The following PLXDC1 variants were observed in gnomAD, a reference collection of about 807,000 sequenced individuals.
PLXDC1 encodes the protein plexin domain-containing protein 1.
In PLXDC1, 39 loss-of-function variants were observed where a neutral mutation model predicts 61.3. The observed-to-expected ratio is 0.64, with a 90% CI of 0.49 to 0.83. PLXDC1 has a LOEUF of 0.83. Among genes scored for constraint, PLXDC1 ranks in the 40% least tolerant of loss-of-function variants. PLXDC1 has a pLI of 0.00. For missense variants in PLXDC1, 596 were observed against 666.5 expected, an observed-to-expected ratio of 0.89 and a Z score of 1.17; for synonymous variants, 212 against 254.5, an observed-to-expected ratio of 0.83 and a Z score of 1.59.
chr17:39,125,489 C>A (rs556133890), intron 2 of PLXDC1, among the ~76,000 whole-genome samples: 1 of 152,250 alleles, frequency 6.6e-6, no homozygotes, highest in Admixed American at 6.5e-5. Flanking sequence ...GGCAATGACC[C>A]AAATGTGGGC....
intron 1 of PLXDC1, among the ~76,000 whole-genome samples, chr17:39,149,508 T>C (rs1443220004): frequency 6.6e-6 from 1 of 152,214 alleles, no homozygotes; most frequent in Non-Finnish European, 1.5e-5. Flanking sequence ...GCCTCTGGCT[T>C]CTTACAGATT....
Position 39,063,493 on chromosome 17 carries a change from C to A in PLXDC1, c.*4347G>T. On this transcript the variant is annotated 3_prime_UTR_variant, in exon 14 of 14. Coordinates refer to ENST00000315392, the MANE Select transcript of PLXDC1 (RefSeq NM_020405.5). ...GATGAGCAGATAGCTGGAGGCTGTT[C>A]CCACAGTCATGTCTCAGCGAAGAAG... 1.4e-6 allele frequency: 1 copy of A among 702,942 alleles called. No individual in the cohort carries two copies. The highest frequency in any genetic ancestry group is 1.5e-5 in the South Asian group (1 of 67,576). The allele number at this position is 702,942 out of a possible 1,614,324, so 43.5% of individuals were successfully genotyped here.
intron 1 of PLXDC1, among the ~76,000 whole-genome samples, chr17:39,148,824 A>G (rs1411971038): frequency 6.6e-6 from 1 of 152,042 alleles, no homozygotes; most frequent in Non-Finnish European, 1.5e-5. Flanking sequence ...TCAGCCTCCC[A>G]AAGTGTTAGG....
intron 8 of PLXDC1, among the ~76,000 whole-genome samples, chr17:39,087,359 C>A (rs1284556901): frequency 3.9e-5 from 6 of 152,170 alleles, no homozygotes; most frequent in African/African-American, 1.4e-4. Context: ...AACCCCCACC[C>A]CAAACCCAGA....
intron 2 of PLXDC1, among the ~76,000 whole-genome samples, chr17:39,113,834 A>G (rs1052667701): frequency 1.4e-5 from 2 of 144,806 alleles, no homozygotes; most frequent in African/African-American, 5.0e-5. Flanking sequence ...TGAGTGACAC[A>G]GTGAGACTCT....
At position 39,067,110 on chromosome 17, in the gene PLXDC1, A is replaced by G. The variant is rs1908924970; in HGVS notation, c.*730T>C. On this transcript the variant is annotated 3_prime_UTR_variant, in exon 14 of 14. Transcript: ENST00000315392. ...CATTCTGCTTGCTGCGTCATAGCCA[A>G]TACGTTGAGAGACAAGGAGTTGGAG... The G allele has an allele frequency of 6.6e-6, 1 of 152,264 alleles. No individual in the cohort carries two copies. Among genetic ancestry groups the G allele is most frequent in the Non-Finnish European group, 1.5e-5 (1 of 68,086 alleles). 9.4% of individuals were successfully genotyped at this position (152,264 alleles called of 1,614,324 possible). A position where few individuals can be genotyped will look rare whatever the true frequency, so the allele number is the denominator to read the frequency against.
intron 10 of PLXDC1, among the ~76,000 whole-genome samples, chr17:39,078,663 G>C (rs1279849355): frequency 2.0e-5 from 3 of 152,256 alleles, no homozygotes; most frequent in South Asian, 4.1e-4. Flanking sequence ...AAGGAACCTG[G>C]ATGGGATTCT....
At chr17:39,112,557 A>T (rs1284398086) in intron 2 of PLXDC1, among the ~76,000 whole-genome samples, 1 of 142,070 alleles carries the variant, frequency 7.0e-6, no homozygotes, top group Non-Finnish European at 1.5e-5. Context: ...TCCTGGGTTC[A>T]GGCAATTATT....
chr17:39,118,245 C>T (rs551504506), intron 2 of PLXDC1, among the ~76,000 whole-genome samples: 1 of 151,894 alleles, frequency 6.6e-6, no homozygotes, highest in Non-Finnish European at 1.5e-5. Flanking sequence ...GTTCTTGTCG[C>T]CCAGGCTGGA....
chr17:39,084,536 C>T (rs1287939813), intron 8 of PLXDC1, among the ~76,000 whole-genome samples: 1 of 152,198 alleles, frequency 6.6e-6, no homozygotes, highest in African/African-American at 2.4e-5. Context: ...TCCTGATGTT[C>T]GGTCCATGGG....
chr17:39,073,632 T>C (rs1263158356), intron 11 of PLXDC1, among the ~76,000 whole-genome samples: 2 of 152,220 alleles, frequency 1.3e-5, no homozygotes, highest in Non-Finnish European at 2.9e-5. Flanking sequence ...GCTGCCATCT[T>C]GCTGGGGCTC....
chr17:39,133,569 G>T (rs866138542), intron 2 of PLXDC1, among the ~76,000 whole-genome samples: 1 of 152,154 alleles, frequency 6.6e-6, no homozygotes, highest in African/African-American at 2.4e-5. Flanking sequence ...CGGCTCTCCT[G>T]TGCTTACATT....
At chr17:39,124,168 T>TGAATCGGCATCTGCC (rs1391484407) in intron 2 of PLXDC1, among the ~76,000 whole-genome samples, 2 of 152,256 alleles carry the variant, frequency 1.3e-5, no homozygotes, top group Admixed American at 1.3e-4. Context: ...CCAAGCCTGC[T>TGAATCGGCATCTGCC]GAATCGGCAT....
chr17:39,079,121 A>G lies in PLXDC1; in HGVS notation c.1033T>C (p.Tyr345His). 6.2e-7 allele frequency: 1 copy of G among 1,613,834 alleles called. No individual in the cohort carries two copies. Among genetic ancestry groups the G allele is most frequent in the Non-Finnish European group, 8.5e-7 (1 of 1,179,774 alleles). Residue 345 changes from tyrosine (Y) to histidine (H), a missense_variant, in exon 10 of 14, where the codon TAT (tyrosine) becomes CAT (histidine). By Grantham distance (83) the Tyr-to-His change is moderately conservative. Transcript: ENST00000315392. ...CTTCTCACCTCCTGTGCACAGCCATAGTCCATCCACTCCTGGCGATAGCGG... is the reference window on the plus strand; with the variant it reads ...CTTCTCACCTCCTGTGCACAGCCATGGTCCATCCACTCCTGGCGATAGCGG... Reference protein sequence around the residue: ...FDRYRQEWMDYGCAQEAEGRM... With the variant: ...FDRYRQEWMDHGCAQEAEGRM...
chr17:39,108,483 CA>C (rs903529702), intron 4 of PLXDC1: 10 of 563,158 alleles, frequency 1.8e-5, no homozygotes, highest in African/African-American at 1.5e-4. Flanking sequence ...GGCGAGGGGG[CA>C]GGAAGAGGAG....
intron 9 of PLXDC1, chr17:39,079,689 T>C: frequency 2.5e-6 from 1 of 392,678 alleles, no homozygotes; most frequent in Non-Finnish European, 5.2e-6. Flanking sequence ...ACAGCTCAGC[T>C]GGGCTGGAAG....
chr17:39,139,607 T>TGC, intron 2 of PLXDC1, 47 bp downstream of exon 2: 3 of 1,504,848 alleles, frequency 2.0e-6, no homozygotes, highest in Non-Finnish European at 9.1e-7. Flanking sequence ...TGGTGAGACC[T>TGC]CCCCCACCCC....
intron 2 of PLXDC1, among the ~76,000 whole-genome samples, chr17:39,134,434 T>TG (rs557380771): frequency 2.8e-3 from 423 of 151,278 alleles, no homozygotes; most frequent in African/African-American, 1.0e-2. Context: ...AAGACCAGCC[T>TG]GGGCAACACA....
At chr17:39,095,039 G>T (rs939835771) in intron 7 of PLXDC1, among the ~76,000 whole-genome samples, 5 of 152,174 alleles carry the variant, frequency 3.3e-5, no homozygotes, top group Non-Finnish European at 7.3e-5. Flanking sequence ...CGAGGATAGA[G>T]ACACAAGTGG....
Sources: gnomAD v4.1 joint callset for allele counts (sites outside exome capture counted in the v4.1 genomes callset) on GRCh38, gnomAD v4.1.1 for gene constraint, MANE v1.5 for transcripts, NCBI Gene and HGNC (gene_info 2026-07-23, HGNC 2026-07-21) for gene names.